THAP12: variants seen among roughly 807,000 people sequenced by gnomAD.
The protein encoded by THAP12 is 52 kDa repressor of the inhibitor of the protein kinase.
In THAP12, 20 loss-of-function variants were observed where a neutral mutation model predicts 63.0. That is an observed-to-expected ratio of 0.32 (90% CI 0.22 to 0.46). The LOEUF (loss-of-function observed/expected upper bound fraction) is 0.46. Among genes scored for constraint, THAP12 ranks in the 20% least tolerant of loss-of-function variants. The pLI is 1.00. For synonymous variants in THAP12, 264 were observed against 328.4 expected, an observed-to-expected ratio of 0.80 and a Z score of 2.12; for missense variants, 568 against 908.2, an observed-to-expected ratio of 0.63 and a Z score of 4.81.
chr11:76,370,357 ATG>A (rs1946663729), intron 1 of THAP12, among the ~76,000 whole-genome samples: 1 of 143,356 alleles, frequency 7.0e-6, no homozygotes. Context: ...TTCTGTGCAT[ATG>A]TTTTTTGGGG....
At chr11:76,358,616 G>GC (rs1565232257) in intron 3 of THAP12, 1 of 152,010 alleles carries the variant, frequency 6.6e-6, no homozygotes, top group East Asian at 1.9e-4. Flanking sequence ...ACCAAACTGG[G>GC]CAACATGGCA....
intron 3 of THAP12, chr11:76,359,011 G>A (rs1946579974): frequency 6.6e-6 from 1 of 152,082 alleles, no homozygotes; most frequent in Admixed American, 6.6e-5. Context: ...AGAACTGAAA[G>A]AGACAAATTT....
At chr11:76,353,583 A>C (rs931148136) in intron 4 of THAP12, among the ~76,000 whole-genome samples, 2 of 152,266 alleles carry the variant, frequency 1.3e-5, no homozygotes, top group African/African-American at 4.8e-5. Flanking sequence ...ATCTTAGCCT[A>C]ATCTCTTCAC....
intron 1 of THAP12, among the ~76,000 whole-genome samples, chr11:76,368,125 C>T (rs1296574972): frequency 6.6e-6 from 1 of 152,146 alleles, no homozygotes; most frequent in Non-Finnish European, 1.5e-5. Context: ...CAATACTGTA[C>T]ATATTACCTC....
chr11:76,370,615 G>A lies in THAP12; in HGVS notation c.90-4643C>T, dbSNP rs995543250. On this transcript the variant is annotated intron_variant, in intron 1 of 4. Transcript: ENST00000260045. ...CTGGGTGAAGTGATCGTCCTGCCTC[G>A]GCCTCCCAAGGTGCTAGGATTACAG... Among the ~76,000 whole-genome samples the A allele has an allele frequency of 5.9e-5, 9 of 151,876 alleles. No individual in the cohort carries two copies. The South Asian group carries it at 6.2e-4, about 11-fold the overall frequency.
At chr11:76,355,726 A>G (rs1946557073) in intron 3 of THAP12, 72 bp from the exon 4 acceptor site, 7 of 1,245,742 alleles carry the variant, frequency 5.6e-6, no homozygotes, top group Non-Finnish European at 6.6e-6. Flanking sequence ...ATCATCTTAG[A>G]CTCACAAATA....
chr11:76,367,844 C>A (rs1368477533), intron 1 of THAP12, among the ~76,000 whole-genome samples: 1 of 152,022 alleles, frequency 6.6e-6, no homozygotes, highest in Non-Finnish European at 1.5e-5. Context: ...AATGTCAAAT[C>A]AAGGTAAAAT....
At chr11:76,355,518 C>CGA (rs1217440334) in intron 4 of THAP12, 100 bp downstream of exon 4, 3 of 1,090,522 alleles carry the variant, frequency 2.8e-6, no homozygotes, top group African/African-American at 3.2e-5. Context: ...CATTCATTCT[C>CGA]AAGGTAGGTT....
At chr11:76,376,778 A>C (rs1946714234) in intron 1 of THAP12, among the ~76,000 whole-genome samples, 1 of 150,286 alleles carries the variant, frequency 6.7e-6, no homozygotes, top group African/African-American at 2.5e-5. Flanking sequence ...CTGAAACTGT[A>C]AACCCCTATA....
At chr11:76,379,328 G>A (rs1423482452) in intron 1 of THAP12, among the ~76,000 whole-genome samples, 1 of 152,114 alleles carries the variant, frequency 6.6e-6, no homozygotes, top group Non-Finnish European at 1.5e-5. Context: ...ACAATCTAAT[G>A]AGCAGCCACT....
chr11:76,363,915 A>G (rs1192994375), intron 2 of THAP12, among the ~76,000 whole-genome samples: 1 of 152,174 alleles, frequency 6.6e-6, no homozygotes, highest in Admixed American at 6.5e-5. Flanking sequence ...CCAGAAATCC[A>G]GTTTTTAATA....
At chr11:76,355,089 AGAG>A (rs1358313883) in intron 4 of THAP12, among the ~76,000 whole-genome samples, 3 of 152,262 alleles carry the variant, frequency 2.0e-5, no homozygotes, top group Admixed American at 6.5e-5. Context: ...AGGAAGAAAC[AGAG>A]GAGGAGGAGT....
chr11:76,376,285 G>A (rs911673758), intron 1 of THAP12, among the ~76,000 whole-genome samples: 4 of 152,152 alleles, frequency 2.6e-5, no homozygotes, highest in Non-Finnish European at 5.9e-5. Flanking sequence ...TATGTGAATT[G>A]CATCTCAATA....
chr11:76,363,259 ACTG>A (rs1345213866), intron 2 of THAP12, among the ~76,000 whole-genome samples: 2 of 152,256 alleles, frequency 1.3e-5, no homozygotes, highest in Non-Finnish European at 2.9e-5. Flanking sequence ...TTAATCTTTA[ACTG>A]CTGAATTAAG....
At position 76,350,257 on chromosome 11, in the gene THAP12, C is replaced by G. The variant is rs1428247973; in HGVS notation, c.*607G>C. 2.0e-5 allele frequency: 3 copies of G among 152,296 alleles called. No homozygotes were observed. The highest frequency in any genetic ancestry group is 7.2e-5 in the African/African-American group (3 of 41,436). The allele number at this position is 152,296 out of a possible 1,614,324, so 9.4% of individuals were successfully genotyped here. A position where few individuals can be genotyped will look rare whatever the true frequency, so the allele number is the denominator to read the frequency against. The stretch of plus-strand genomic sequence containing the variant: ...AAAGCTTAGGAAGATGTAGGCTCCA[C>G]AAAGGAATGTAAACAGCAACGAGAT... On this transcript the variant is annotated 3_prime_UTR_variant, in exon 5 of 5. Coordinates refer to ENST00000260045, the MANE Select transcript of THAP12 (RefSeq NM_004705.4).
In THAP12 at chr11:76,352,539, A is replaced by C; in HGVS notation, c.611T>G (p.Leu204Arg). ...ACCAGAATTTATCCGACACTCCAGC[A>C]GTGCCTGAAAGTTATCTGGAGTAAA... is the stretch of plus-strand genomic sequence containing the variant. ...GLFTPDNFQA[L>R]LECRINSGEE... Residue 204 changes from leucine to arginine, a missense_variant, in exon 5 of 5, where the codon CTG (leucine) becomes CGG (arginine). By Grantham distance (102) the Leu-to-Arg change is moderately radical (BLOSUM62 -2). Coordinates refer to ENST00000260045, the MANE Select transcript of THAP12 (RefSeq NM_004705.4). 1 of 1,612,052 alleles carries C rather than the reference A, an allele frequency of 6.2e-7. No homozygotes were observed. Among genetic ancestry groups the C allele is most frequent in the Non-Finnish European group, 8.5e-7 (1 of 1,179,864 alleles).
At chr11:76,362,583 A>G (rs1403398660) in intron 2 of THAP12, among the ~76,000 whole-genome samples, 1 of 152,222 alleles carries the variant, frequency 6.6e-6, no homozygotes, top group Non-Finnish European at 1.5e-5. Context: ...GGAATTGGTT[A>G]GGGACACAAT....
At chr11:76,360,911 A>G in intron 3 of THAP12, 45 bp downstream of exon 3, 9 of 1,259,570 alleles carry the variant, frequency 7.1e-6, no homozygotes, top group Non-Finnish European at 1.0e-5. Context: ...TTGATTTCAT[A>G]GTATTATGGG....
chr11:76,351,467 C>T lies in THAP12; in HGVS notation c.1683G>A (p.Gln561=). The change falls in exon 5 of 5, where the codon CAG becomes CAA. Residue 561 remains glutamine (Q), a synonymous_variant. Coordinates refer to ENST00000260045, the MANE Select transcript of THAP12 (RefSeq NM_004705.4). ...AGGTTAGCTGAGATTCCAAGTTACC[C>T]TGGTGAGCTCTGCGGAATTTCCCAG... ...KLPGKFRRAH[Q]GNLESQLTSE... 1 of 1,588,000 alleles carries T rather than the reference C, an allele frequency of 6.3e-7. No individual in the cohort carries two copies. Among genetic ancestry groups the T allele is most frequent in the South Asian group, 1.1e-5 (1 of 88,656 alleles).
Sources: gnomAD v4.1 joint callset for allele counts (sites outside exome capture counted in the v4.1 genomes callset) on GRCh38, gnomAD v4.1.1 for gene constraint, MANE v1.5 for transcripts, NCBI Gene and HGNC (gene_info 2026-07-23, HGNC 2026-07-21) for gene names.